KCNIP1: variants seen among roughly 807,000 people sequenced by gnomAD.
The protein encoded by KCNIP1 is potassium voltage-gated channel interacting protein 1, also known as A-type potassium channel modulatory protein KCNIP1.
In KCNIP1, 18 loss-of-function variants were observed where a neutral mutation model predicts 33.0. That is an observed-to-expected ratio of 0.55 (90% CI 0.38 to 0.81). The LOEUF is 0.81. KCNIP1 is among the 30% of genes least tolerant of loss of function. The pLI, the probability that KCNIP1 is intolerant of heterozygous loss-of-function variation, is 0.00. For missense variants in KCNIP1, 238 were observed against 271.6 expected (o/e 0.88, Z 0.87); for synonymous variants, 93 against 98.3 (o/e 0.95, Z 0.32).
chr5:170,470,613 A>C (rs1201486928), intron 1 of KCNIP1, among the ~76,000 whole-genome samples: 2 of 152,220 alleles, frequency 1.3e-5, no homozygotes, highest in Non-Finnish European at 2.9e-5. Flanking sequence ...TTAAAGGTAG[A>C]GGGGGAGAGG....
chr5:170,399,029 G>A (rs945731615), intron 1 of KCNIP1, among the ~76,000 whole-genome samples: 18 of 152,186 alleles, frequency 1.2e-4, no homozygotes, highest in African/African-American at 4.1e-4. Flanking sequence ...GGCATCCTCA[G>A]CAGGAGGAGG....
intron 1 of KCNIP1, among the ~76,000 whole-genome samples, chr5:170,432,739 TTCC>T (rs1383753112): frequency 6.6e-6 from 1 of 152,230 alleles, no homozygotes; most frequent in African/African-American, 2.4e-5. Context: ...ACCGGGCTCT[TTCC>T]CTACATTTTG....
chr5:170,616,126 G>A (rs1194260207), intron 1 of KCNIP1, among the ~76,000 whole-genome samples: 2 of 152,150 alleles, frequency 1.3e-5, no homozygotes, highest in Non-Finnish European at 2.9e-5. Context: ...GGCTGATGAT[G>A]GAACCCTTAT....
intron 1 of KCNIP1, among the ~76,000 whole-genome samples, chr5:170,580,615 A>G (rs1208395156): frequency 2.6e-5 from 4 of 152,206 alleles, no homozygotes; most frequent in East Asian, 1.9e-4. Context: ...CGCTGGGCAT[A>G]TTCAGGGGAC....
At chr5:170,367,422 G>GAAAGA (rs1763718704) in intron 1 of KCNIP1, among the ~76,000 whole-genome samples, 1 of 49,194 alleles carries the variant, frequency 2.0e-5, no homozygotes, top group Non-Finnish European at 4.1e-5. Context: ...AGAAAGAAAG[G>GAAAGA]AAAGAAAGAA....
intron 1 of KCNIP1, among the ~76,000 whole-genome samples, chr5:170,601,066 A>G (rs993646595): frequency 3.3e-5 from 5 of 152,220 alleles, no homozygotes; most frequent in Non-Finnish European, 5.9e-5. Context: ...AATGGGCTTC[A>G]TATTTTTAAA....
chr5:170,685,093 T>C (rs907566583), intron 1 of KCNIP1, among the ~76,000 whole-genome samples: 3 of 152,170 alleles, frequency 2.0e-5, no homozygotes, highest in Non-Finnish European at 4.4e-5. Flanking sequence ...GGCCTCTCCT[T>C]GCCCATAAGG....
At chr5:170,492,755 C>T (rs375124415) in intron 1 of KCNIP1, among the ~76,000 whole-genome samples, 29 of 150,460 alleles carry the variant, frequency 1.9e-4, no homozygotes, top group East Asian at 3.9e-4. Flanking sequence ...AAATATCTAT[C>T]TATTTATTTA....
chr5:170,385,424 G>A (rs1265774877), intron 1 of KCNIP1: 1 of 1,613,898 alleles, frequency 6.2e-7, no homozygotes, highest in Non-Finnish European at 8.5e-7. Flanking sequence ...CCCGCTTCTG[G>A]GCCATCACCA....
intron 1 of KCNIP1, among the ~76,000 whole-genome samples, chr5:170,418,719 T>C (rs1452159407): frequency 6.6e-6 from 1 of 152,180 alleles, no homozygotes; most frequent in Non-Finnish European, 1.5e-5. Flanking sequence ...AACTGATCCA[T>C]TGTACCTACA....
chr5:170,696,425 C>G (rs1325326899), intron 1 of KCNIP1, among the ~76,000 whole-genome samples: 1 of 152,138 alleles, frequency 6.6e-6, no homozygotes, highest in African/African-American at 2.4e-5. Flanking sequence ...CTAGGAGAGA[C>G]AGAAGAATCT....
At chr5:170,684,573 G>A (rs2221442) in intron 1 of KCNIP1, among the ~76,000 whole-genome samples, 102,505 of 152,102 alleles carry the variant, frequency 0.67, 35,437 homozygotes, top group East Asian at 0.94. Flanking sequence ...AAAAGTTCAG[G>A]TATGGATACA....
rs566936846 is a variant in KCNIP1 at position 170,442,208 on chromosome 5, G to T, written c.88+88244G>T. Among the ~76,000 whole-genome samples, 3 of 152,086 alleles carry T rather than the reference G, an allele frequency of 2.0e-5. No homozygotes were observed. In the East Asian group the frequency reaches 5.8e-4, roughly 29 times the overall value. On this transcript the variant is annotated intron_variant, in intron 1 of 7. Transcript: ENST00000377360. The stretch of plus-strand genomic sequence containing the variant: ...GCTCTGAGGCCCTTGAGGAGACAGC[G>T]TTGCAAAGACCCCAGGGGCCGAGTA...
intron 1 of KCNIP1, among the ~76,000 whole-genome samples, chr5:170,620,417 GAA>G (rs1286589573): frequency 2.0e-5 from 3 of 152,210 alleles, no homozygotes; most frequent in African/African-American, 7.2e-5. Context: ...GTTGGATGGA[GAA>G]AGAGATGCTT....
intron 1 of KCNIP1, among the ~76,000 whole-genome samples, chr5:170,496,920 T>C (rs1050641726): frequency 6.6e-6 from 1 of 152,060 alleles, no homozygotes; most frequent in African/African-American, 2.4e-5. Context: ...ACCATGACCT[T>C]TACCCTCCTA....
At chr5:170,551,257 G>C (rs1346666149) in intron 1 of KCNIP1, among the ~76,000 whole-genome samples, 1 of 152,194 alleles carries the variant, frequency 6.6e-6, no homozygotes, top group African/African-American at 2.4e-5. Context: ...CCTTTGCCTA[G>C]GTTCCTGCAA....
intron 1 of KCNIP1, among the ~76,000 whole-genome samples, chr5:170,563,036 A>T (rs574707116): frequency 1.3e-5 from 2 of 152,160 alleles, no homozygotes; most frequent in African/African-American, 4.8e-5. Flanking sequence ...CCACACACAG[A>T]TCTAGTTCCC....
intron 1 of KCNIP1, among the ~76,000 whole-genome samples, chr5:170,574,888 G>T (rs1757544158): frequency 6.6e-6 from 1 of 152,164 alleles, no homozygotes; most frequent in Non-Finnish European, 1.5e-5. Flanking sequence ...GGGGAAACGT[G>T]CCGATTCCAC....
chr5:170,612,234 C>G (rs1759191282), intron 1 of KCNIP1, among the ~76,000 whole-genome samples: 1 of 152,232 alleles, frequency 6.6e-6, no homozygotes, highest in South Asian at 2.1e-4. Flanking sequence ...GGGTCCCACT[C>G]TAGGCCACTC....
Sources: allele counts gnomAD v4.1 joint callset (sites outside exome capture counted in the v4.1 genomes callset), GRCh38; gene constraint gnomAD v4.1.1; transcripts MANE v1.5; gene names NCBI Gene and HGNC (gene_info 2026-07-23, HGNC 2026-07-21).